Variants in TBCA observed in about 807,000 individuals in gnomAD.
TBCA encodes tubulin-specific chaperone A.
A neutral mutation model predicts 15.8 loss-of-function variants in TBCA; 6 were observed. The observed-to-expected ratio is 0.38, with a 90% CI of 0.21 to 0.75. TBCA has a LOEUF of 0.75. TBCA is among the 30% of genes least tolerant of loss of function. TBCA has a pLI of 0.46. For synonymous variants in TBCA, 32 were observed against 42.3 expected (o/e 0.76, Z 0.94); for missense variants, 90 against 131.2 (o/e 0.69, Z 1.53).
At chr5:77,756,871 G>T (rs1461465799) in intron 1 of TBCA, among the ~76,000 whole-genome samples, 2 of 150,440 alleles carry the variant, frequency 1.3e-5, no homozygotes, top group Non-Finnish European at 3.0e-5. Flanking sequence ...CCCAAAAACA[G>T]GTGAATGCAC....
intron 1 of TBCA, among the ~76,000 whole-genome samples, chr5:77,708,966 A>G (rs1483038117): frequency 1.3e-5 from 2 of 150,298 alleles, no homozygotes; most frequent in East Asian, 4.0e-4. Context: ...ATACCAATAT[A>G]TATTAATACA....
At chr5:77,717,452 A>G (rs1204582525) in intron 1 of TBCA, among the ~76,000 whole-genome samples, 1 of 112,906 alleles carries the variant, frequency 8.9e-6, no homozygotes, top group African/African-American at 3.2e-5. Flanking sequence ...CCCCAGTTTT[A>G]TGGGGATTTC....
At chr5:77,746,140 G>A (rs1043711964) in intron 1 of TBCA, among the ~76,000 whole-genome samples, 47 of 152,050 alleles carry the variant, frequency 3.1e-4, no homozygotes, top group Non-Finnish European at 2.9e-5. Flanking sequence ...CTGTTGCACT[G>A]TTTCAGGCCC....
chr5:77,723,537 G>A (rs898454264), intron 1 of TBCA, among the ~76,000 whole-genome samples: 20 of 151,868 alleles, frequency 1.3e-4, no homozygotes, highest in Admixed American at 2.6e-4. Flanking sequence ...GTGAGAAACT[G>A]AACTTTGAAA....
chr5:77,743,623 C>T (rs548059439), intron 1 of TBCA, among the ~76,000 whole-genome samples: 9 of 152,262 alleles, frequency 5.9e-5, no homozygotes, highest in African/African-American at 1.4e-4. Flanking sequence ...GTATCCCTGC[C>T]GCACCCAGTC....
chr5:77,709,316 AT>A (rs1746221094), intron 1 of TBCA, among the ~76,000 whole-genome samples: 1 of 152,200 alleles, frequency 6.6e-6, no homozygotes, highest in Admixed American at 6.5e-5. Flanking sequence ...ACAATAAGAA[AT>A]ACTGCAATAC....
At chr5:77,765,218 T>C (rs1747742528) in intron 1 of TBCA, among the ~76,000 whole-genome samples, 1 of 152,152 alleles carries the variant, frequency 6.6e-6, no homozygotes, top group Admixed American at 6.5e-5. Flanking sequence ...ACATAGCCCC[T>C]GAAAAACTCC....
In TBCA at chr5:77,762,966, G is replaced by A. The variant is rs147842964; in HGVS notation, c.53+13239C>T. 2.6e-3 allele frequency among the ~76,000 whole-genome samples: 393 copies of A among 152,308 alleles called. 4 individuals are homozygous for A. Among genetic ancestry groups the A allele is most frequent in the African/African-American group, 8.8e-3 (366 of 41,558 alleles). ...CGCTTGTTTAAAAAGACAAGCGGCCGGGCGCGGTGGCTCACGCCTGTAATC... is the reference window on the plus strand; with the variant it reads ...CGCTTGTTTAAAAAGACAAGCGGCCAGGCGCGGTGGCTCACGCCTGTAATC... On this transcript the variant is annotated intron_variant, in intron 1 of 3. Coordinates refer to ENST00000380377, the MANE Select transcript of TBCA (RefSeq NM_004607.3).
At chr5:77,741,544 G>A (rs185826084) in intron 1 of TBCA, among the ~76,000 whole-genome samples, 3 of 151,958 alleles carry the variant, frequency 2.0e-5, no homozygotes, top group Admixed American at 1.3e-4. Context: ...CAAGAAAGAA[G>A]TAACAGCAAA....
chr5:77,726,041 G>A (rs1223734809), intron 1 of TBCA, among the ~76,000 whole-genome samples: 1 of 152,142 alleles, frequency 6.6e-6, no homozygotes, highest in East Asian at 1.9e-4. Flanking sequence ...AATTAGACTC[G>A]ACACACATTC....
chr5:77,771,264 G>A (rs933919345), intron 1 of TBCA, among the ~76,000 whole-genome samples: 1 of 150,378 alleles, frequency 6.6e-6, no homozygotes, highest in African/African-American at 2.4e-5. Flanking sequence ...CTGTAAATAT[G>A]TATGTGTCAA....
chr5:77,702,664 G>A (rs1746047144), intron 2 of TBCA, among the ~76,000 whole-genome samples: 1 of 152,194 alleles, frequency 6.6e-6, no homozygotes, highest in African/African-American at 2.4e-5. Flanking sequence ...GCTCTGTGGT[G>A]TGCTAAGGCA....
chr5:77,720,442 G>A (rs779301997), intron 1 of TBCA, among the ~76,000 whole-genome samples: 3 of 152,176 alleles, frequency 2.0e-5, no homozygotes, highest in Admixed American at 6.5e-5. Flanking sequence ...GGCCAGGCGC[G>A]GTGGCTCTCG....
intron 1 of TBCA, among the ~76,000 whole-genome samples, chr5:77,752,749 G>A (rs12659661): frequency 0.18 from 13,472 of 76,300 alleles, 4,161 homozygotes; most frequent in African/African-American, 0.3. Flanking sequence ...TAGTAGAGAC[G>A]GGGTTTCACC....
At chr5:77,774,327 C>T (rs1233473936) in intron 1 of TBCA, among the ~76,000 whole-genome samples, 1 of 152,214 alleles carries the variant, frequency 6.6e-6, no homozygotes, top group Non-Finnish European at 1.5e-5. Context: ...AGAGAACCCT[C>T]TTCCCTGTCC....
At chr5:77,733,341 G>T (rs1746819061) in intron 1 of TBCA, among the ~76,000 whole-genome samples, 1 of 152,238 alleles carries the variant, frequency 6.6e-6, no homozygotes, top group African/African-American at 2.4e-5. Flanking sequence ...GGAAAGCCAA[G>T]ATAGGCCTAA....
In TBCA at chr5:77,713,523, T is replaced by C; in HGVS notation, c.54-5176A>G. Among the ~76,000 whole-genome samples, 3 of 152,278 alleles carry C rather than the reference T, an allele frequency of 2.0e-5. No homozygotes were observed. The East Asian group carries it at 5.8e-4, about 29-fold the overall frequency. ...ACAAATTTTATAGACATGAAATATT[T>C]TCTTCCTAAAAAAATATTTTAAATA... On this transcript the variant is annotated intron_variant, in intron 1 of 3. Coordinates refer to ENST00000380377, the MANE Select transcript of TBCA (RefSeq NM_004607.3).
chr5:77,722,295 T>C (rs1746544687), intron 1 of TBCA, among the ~76,000 whole-genome samples: 2 of 152,090 alleles, frequency 1.3e-5, no homozygotes, highest in Admixed American at 1.3e-4. Flanking sequence ...TAACTTGTAT[T>C]ATGTATGAGG....
rs143470961 is a variant in TBCA at position 77,708,088 on chromosome 5, C to A, written c.159+154G>T. 4.0e-4 allele frequency among the ~76,000 whole-genome samples: 61 copies of A among 152,170 alleles called. 3 individuals are homozygous for A. The East Asian group carries it at 0.011, about 28-fold the overall frequency. ...CTATGTGATTTGCGCAGTTATTTAA[C>A]CTGTGTTTGAGTTTCCTTATCTTTA... On this transcript the variant is annotated intron_variant, in intron 2 of 3. Transcript: ENST00000380377.
Sources: allele counts gnomAD v4.1 joint callset (sites outside exome capture counted in the v4.1 genomes callset), GRCh38; gene constraint gnomAD v4.1.1; transcripts MANE v1.5; gene names NCBI Gene and HGNC (gene_info 2026-07-23, HGNC 2026-07-21).